The following ASRGL1 variants were observed in gnomAD, a reference collection of about 807,000 sequenced individuals.
The protein encoded by ASRGL1 is asparaginase and isoaspartyl peptidase 1.
In ASRGL1, 16 loss-of-function variants were observed where a neutral mutation model predicts 22.4. That is an observed-to-expected ratio of 0.71 (90% confidence interval 0.48 to 1.08). The LOEUF (loss-of-function observed/expected upper bound fraction) is 1.08, where lower values mean the gene tolerates loss of function less well. Ranked by LOEUF, ASRGL1 falls within the 50% of genes least tolerant of loss-of-function variation. The probability of loss-of-function intolerance (pLI) is 0.00; values close to 1 mark genes in which losing one functional copy is unlikely to be tolerated. For synonymous variants in ASRGL1, 165 were observed against 159.3 expected (o/e 1.04, Z -0.27); for missense variants, 412 against 410.1 (o/e 1.00, Z -0.04).
chr11:62,386,460 C>CATACATATCATAGATATGTACATATA (rs1565174604), intron 4 of ASRGL1, among the ~76,000 whole-genome samples: 8 of 149,152 alleles, frequency 5.4e-5, no homozygotes, highest in East Asian at 2.0e-4. Flanking sequence ...ATGTACATAT[C>CATACATATCATAGATATGTACATATA]ATACATATCA....
chr11:62,381,761 C>T (rs1947073469), intron 4 of ASRGL1: 2 of 152,142 alleles, frequency 1.3e-5, no homozygotes, highest in South Asian at 4.1e-4. Flanking sequence ...AGATAAGAGG[C>T]ATATTTACTT....
intron 4 of ASRGL1, among the ~76,000 whole-genome samples, chr11:62,366,207 A>G (rs1186895585): frequency 1.4e-5 from 2 of 139,520 alleles, no homozygotes; most frequent in Non-Finnish European, 3.1e-5. Context: ...AGTTGCAGTG[A>G]GCCGAGATCA....
chr11:62,393,542 G>A (rs1947390382), downstream of ASRGL1: 1 of 152,182 alleles, frequency 6.6e-6, no homozygotes, highest in African/African-American at 2.4e-5. Context: ...ACCTTGTGGA[G>A]TACTCGTGAG....
chr11:62,365,145 T>A (rs561513288), intron 4 of ASRGL1, among the ~76,000 whole-genome samples: 33 of 149,248 alleles, frequency 2.2e-4, no homozygotes, highest in African/African-American at 8.1e-4. Context: ...GTGGGAGAAA[T>A]GGGAAGGTGT....
At chr11:62,372,773 C>T in intron 4 of ASRGL1, 2 of 1,563,874 alleles carry the variant, frequency 1.3e-6, no homozygotes, top group Non-Finnish European at 1.8e-6. Flanking sequence ...CTTCCCAGAT[C>T]TATGCTGGTT....
intron 2 of ASRGL1, among the ~76,000 whole-genome samples, chr11:62,350,448 T>C (rs1310562759): frequency 6.6e-6 from 1 of 152,220 alleles, no homozygotes; most frequent in East Asian, 1.9e-4. Flanking sequence ...CTGGGATAAA[T>C]GCCCAGGAAT....
At chr11:62,386,280 C>T (rs1272216040) in intron 4 of ASRGL1, among the ~76,000 whole-genome samples, 3 of 152,236 alleles carry the variant, frequency 2.0e-5, no homozygotes, top group Middle Eastern at 3.4e-3. Flanking sequence ...CCCTTATCTG[C>T]GGTTTCACTT....
intron 2 of ASRGL1, among the ~76,000 whole-genome samples, chr11:62,341,072 TA>T (rs1945850842): frequency 6.6e-6 from 1 of 152,194 alleles, no homozygotes; most frequent in African/African-American, 2.4e-5. Context: ...TTTAAAAACT[TA>T]CTTAGATTGG....
intron 2 of ASRGL1, among the ~76,000 whole-genome samples, chr11:62,346,979 A>G (rs1291125796): frequency 6.6e-6 from 1 of 152,194 alleles, no homozygotes; most frequent in African/African-American, 2.4e-5. Flanking sequence ...AAAAAAAAAA[A>G]AAAAGAAAAA....
At position 62,338,001 on chromosome 11, in the gene ASRGL1, C is replaced by T. The variant is rs143657589; in HGVS notation, c.24C>T (p.His8=). MNPIVVV[H]GGGAGPISKD... ...ACATGAATCCCATCGTAGTGGTCCA[C>T]GGCGGCGGAGCCGGTCCCATCTCCA... is the stretch of plus-strand genomic sequence containing the variant. Residue 8 remains histidine, a synonymous_variant, in exon 2 of 7, where the codon CAC becomes CAT. Transcript: ENST00000415229. The T allele has an allele frequency of 2.4e-4, 380 of 1,602,750 alleles. 1 individual carries two copies. The African/African-American group carries it at 4.7e-3, about 20-fold the overall frequency.
intron 5 of ASRGL1, 169 bp from the exon 6 acceptor site, chr11:62,391,353 C>A: frequency 9.6e-7 from 1 of 1,042,298 alleles, no homozygotes; most frequent in Non-Finnish European, 1.3e-6. Flanking sequence ...GGGGCATCTA[C>A]ATGACGCTTT....
chr11:62,339,988 G>A (rs949272097), intron 2 of ASRGL1, among the ~76,000 whole-genome samples: 4 of 152,004 alleles, frequency 2.6e-5, no homozygotes, highest in Non-Finnish European at 5.9e-5. Context: ...TGAGACCGGT[G>A]CAGTGGCTCA....
In ASRGL1 at chr11:62,338,086, A is replaced by G; in HGVS notation, c.109A>G (p.Ile37Val). 6.2e-7 allele frequency: 1 copy of G among 1,607,594 alleles called. No individual in the cohort carries two copies. Among genetic ancestry groups the G allele is most frequent in the Non-Finnish European group, 8.5e-7 (1 of 1,177,520 alleles). ...CAGAGCCGCCACCGTGGGCTACGGC[A>G]TCCTCCGGGAGGGCGGGAGCGCCGT... ...MVRAATVGYGILREGGSAVDA... is the reference protein window; with the variant it reads ...MVRAATVGYGVLREGGSAVDA... Residue 37 changes from isoleucine to valine, a missense_variant, in exon 2 of 7, where the codon ATC becomes GTC. Coordinates refer to ENST00000415229, the MANE Select transcript of ASRGL1 (RefSeq NM_001083926.2).
intron 2 of ASRGL1, among the ~76,000 whole-genome samples, chr11:62,342,787 A>G (rs536345862): frequency 1.1e-3 from 172 of 152,064 alleles, no homozygotes; most frequent in Non-Finnish European, 2.1e-3. Context: ...AAATGGAATC[A>G]CACAATGTGT....
chr11:62,391,639 A>C lies in ASRGL1; in HGVS notation c.721+7A>C, dbSNP rs1225244073. On this transcript the variant is annotated splice_region_variant and intron_variant, in intron 6 of 6. Coordinates refer to ENST00000415229, the MANE Select transcript of ASRGL1 (RefSeq NM_001083926.2). The stretch of plus-strand genomic sequence containing the variant: ...CTGTTCCACATAGAACAAGGTACAC[A>C]GACCACAGGACAAGTAAAATAATTT... 4 of 1,600,226 alleles carry C rather than the reference A, an allele frequency of 2.5e-6. No homozygotes were observed. Among genetic ancestry groups the C allele is most frequent in the Non-Finnish European group, 3.4e-6 (4 of 1,173,008 alleles).
downstream of ASRGL1, among the ~76,000 whole-genome samples, chr11:62,397,586 C>T (rs1590769359): frequency 6.6e-6 from 1 of 151,188 alleles, no homozygotes; most frequent in Non-Finnish European, 1.5e-5. Flanking sequence ...ATCACTTGAA[C>T]CCGGAAGGTG....
chr11:62,366,932 C>T (rs191752216), intron 4 of ASRGL1, among the ~76,000 whole-genome samples: 89 of 152,278 alleles, frequency 5.8e-4, no homozygotes, highest in Admixed American at 9.8e-4. Flanking sequence ...GGGCCAGGCA[C>T]GGTGCCTCAC....
At chr11:62,384,003 T>C in intron 4 of ASRGL1, among the ~76,000 whole-genome samples, 1 of 140,634 alleles carries the variant, frequency 7.1e-6, no homozygotes, top group South Asian at 2.5e-4. Context: ...AATGCATCTG[T>C]GTGTGTGCAT....
At chr11:62,383,599 A>T (rs1947126754) in intron 4 of ASRGL1, among the ~76,000 whole-genome samples, 2 of 68,196 alleles carry the variant, frequency 2.9e-5, no homozygotes, top group East Asian at 3.7e-4. Context: ...CGAGACTCCT[A>T]CTCAAAAAAA....
Sources: allele counts gnomAD v4.1 joint callset (sites outside exome capture counted in the v4.1 genomes callset), GRCh38; gene constraint gnomAD v4.1.1; transcripts MANE v1.5; gene names NCBI Gene and HGNC (gene_info 2026-07-23, HGNC 2026-07-21).